Variants in CRISPLD2 observed in about 807,000 individuals in gnomAD.
The protein encoded by CRISPLD2 is cysteine rich secretory protein LCCL domain containing 2.
CRISPLD2 carries 47 observed loss-of-function variants against 71.1 expected under a neutral mutation model. That is an observed-to-expected ratio of 0.66 (90% CI 0.52 to 0.84). The LOEUF (loss-of-function observed/expected upper bound fraction) is 0.84, where lower values mean the gene tolerates loss of function less well. CRISPLD2 is among the 40% of genes least tolerant of loss of function. The pLI is 0.00. For synonymous variants in CRISPLD2, 317 were observed against 250.1 expected, an observed-to-expected ratio of 1.27 and a Z score of -2.52; for missense variants, 830 against 651.1, an observed-to-expected ratio of 1.27 and a Z score of -2.99.
chr16:84,879,361 CT>C (rs376471544), intron 12 of CRISPLD2, among the ~76,000 whole-genome samples: 30 of 83,318 alleles, frequency 3.6e-4, no homozygotes, highest in African/African-American at 3.1e-4. Flanking sequence ...CTTTCCAATT[CT>C]TTTTTTTTTT....
Position 84,889,214 on chromosome 16 carries a change from C to T in CRISPLD2, c.1306-16C>T. 6.2e-7 allele frequency: 1 copy of T among 1,613,968 alleles called. No homozygotes were observed. Among genetic ancestry groups the T allele is most frequent in the Non-Finnish European group, 8.5e-7 (1 of 1,179,914 alleles). On this transcript the variant is annotated splice_polypyrimidine_tract_variant and intron_variant, in intron 13 of 14. Transcript: ENST00000262424. Reference sequence around the variant, plus strand: ...GGAATCCGCATCGCTGATCACAGCCCTTCCTGTGCTTCCAGACCTCAAGCA... The same window carrying T: ...GGAATCCGCATCGCTGATCACAGCCTTTCCTGTGCTTCCAGACCTCAAGCA...
At chr16:84,863,580 C>T (rs1233230170) in intron 6 of CRISPLD2, among the ~76,000 whole-genome samples, 4 of 152,240 alleles carry the variant, frequency 2.6e-5, no homozygotes, top group Non-Finnish European at 5.9e-5. Flanking sequence ...GCTGTGCGAG[C>T]CTGGGCAGGG....
chr16:84,865,209 G>A (rs536998012), intron 6 of CRISPLD2, among the ~76,000 whole-genome samples: 7 of 150,530 alleles, frequency 4.7e-5, no homozygotes, highest in Non-Finnish European at 1.0e-4. Context: ...AGGCTGGAGT[G>A]CAGTGGCACG....
chr16:84,874,867 A>G (rs1327064459), intron 11 of CRISPLD2, among the ~76,000 whole-genome samples: 1 of 152,196 alleles, frequency 6.6e-6, no homozygotes, highest in Non-Finnish European at 1.5e-5. Context: ...AAGTATGTAC[A>G]TTGGTAATAT....
chr16:84,861,352 G>A (rs1175905211), intron 6 of CRISPLD2, among the ~76,000 whole-genome samples: 2 of 152,038 alleles, frequency 1.3e-5, no homozygotes, highest in African/African-American at 4.8e-5. Flanking sequence ...AGTTTATTAA[G>A]GAGTGTTAAA....
At chr16:84,843,247 A>T (rs532268745) in intron 2 of CRISPLD2, among the ~76,000 whole-genome samples, 2 of 152,104 alleles carry the variant, frequency 1.3e-5, no homozygotes, top group Admixed American at 6.5e-5. Flanking sequence ...GGGCCCTGCC[A>T]CTCAGCCCGG....
chr16:84,901,541 G>A (rs570359690), intron 14 of CRISPLD2, among the ~76,000 whole-genome samples: 4 of 148,402 alleles, frequency 2.7e-5, no homozygotes, highest in Non-Finnish European at 4.4e-5. Context: ...GTGTGATCTC[G>A]GCTCATTGCA....
intron 6 of CRISPLD2, among the ~76,000 whole-genome samples, chr16:84,865,156 A>AT (rs576554191): frequency 0.029 from 4,030 of 140,208 alleles, 72 homozygotes; most frequent in South Asian, 0.062. Context: ...TGAAACTTGG[A>AT]TTTTTTTTTT....
intron 10 of CRISPLD2, 26 bp from the exon 11 acceptor site, chr16:84,873,894 T>G: frequency 2.6e-5 from 1 of 38,492 alleles, no homozygotes. Flanking sequence ...CTAATGCCCG[T>G]TTTTTTTTTT....
chr16:84,880,557 G>C lies in CRISPLD2; in HGVS notation c.1278G>C (p.Pro426=), dbSNP rs567940326. The part of the protein sequence containing the change: ...HCKDEPSYWA[P]VFGTNIYADT... ...AAGACGAACCTTCCTACTGGGCTCC[G>C]GTGTTTGGAACCAACATCTATGCAG... The change falls in exon 13 of 15, where the codon CCG becomes CCC. Residue 426 remains proline (P), a synonymous_variant. Coordinates refer to ENST00000262424, the MANE Select transcript of CRISPLD2 (RefSeq NM_031476.4). 1 of 1,613,746 alleles carries C rather than the reference G, an allele frequency of 6.2e-7. No homozygotes were observed. The highest frequency in any genetic ancestry group is 1.1e-5 in the South Asian group (1 of 91,036).
chr16:84,845,430 A>C (rs1408513841), intron 2 of CRISPLD2, among the ~76,000 whole-genome samples: 1 of 152,104 alleles, frequency 6.6e-6, no homozygotes, highest in Admixed American at 6.5e-5. Flanking sequence ...CCAGGCCAAG[A>C]CCGTCCCTAG....
chr16:84,893,029 C>A (rs2071676394), intron 14 of CRISPLD2, among the ~76,000 whole-genome samples: 1 of 151,182 alleles, frequency 6.6e-6, no homozygotes, highest in South Asian at 2.1e-4. Flanking sequence ...TCATCACGCA[C>A]CTGTGCTGGG....
At chr16:84,892,964 A>G (rs2071675533) in intron 14 of CRISPLD2, among the ~76,000 whole-genome samples, 1 of 133,258 alleles carries the variant, frequency 7.5e-6, no homozygotes, top group Non-Finnish European at 1.5e-5. Context: ...TGACAGAGCG[A>G]GACTCCATCT....
intron 1 of CRISPLD2, among the ~76,000 whole-genome samples, chr16:84,822,432 C>T (rs1462541360): frequency 1.3e-5 from 2 of 152,236 alleles, no homozygotes; most frequent in East Asian, 3.8e-4. Flanking sequence ...AGGCAGGGCA[C>T]TGACCTCTTT....
chr16:84,822,947 G>A (rs998949970), intron 1 of CRISPLD2, among the ~76,000 whole-genome samples: 6 of 152,154 alleles, frequency 3.9e-5, no homozygotes, highest in Admixed American at 3.3e-4. Flanking sequence ...TGGAAGTATT[G>A]TGCAGCCACC....
chr16:84,845,505 G>C (rs1026767572), intron 2 of CRISPLD2, among the ~76,000 whole-genome samples: 1 of 152,234 alleles, frequency 6.6e-6, no homozygotes, highest in African/African-American at 2.4e-5. Flanking sequence ...AGGTCACTCA[G>C]CATGGCCACT....
chr16:84,841,556 A>G (rs1441878397), intron 2 of CRISPLD2, among the ~76,000 whole-genome samples: 1 of 151,982 alleles, frequency 6.6e-6, no homozygotes, highest in Non-Finnish European at 1.5e-5. Context: ...AAAAAAAAGA[A>G]ACAGGGTTTT....
At chr16:84,898,401 A>T (rs890578148) in intron 14 of CRISPLD2, among the ~76,000 whole-genome samples, 4 of 151,066 alleles carry the variant, frequency 2.6e-5, no homozygotes, top group South Asian at 2.1e-4. Flanking sequence ...TTCCTCCTAC[A>T]TTTCCACCTC....
intron 2 of CRISPLD2, 23 bp from the exon 3 acceptor site, chr16:84,845,763 G>A (rs111303294): frequency 2.0e-6 from 3 of 1,535,140 alleles, no homozygotes; most frequent in African/African-American, 1.4e-5. Flanking sequence ...ACCTCCTGGT[G>A]CCCGTTTCTC....
Sources: allele counts gnomAD v4.1 joint callset (sites outside exome capture counted in the v4.1 genomes callset), GRCh38; gene constraint gnomAD v4.1.1; transcripts MANE v1.5; gene names NCBI Gene and HGNC (gene_info 2026-07-23, HGNC 2026-07-21).